The following WDFY2 variants were observed in gnomAD, a reference collection of about 807,000 sequenced individuals.
WDFY2 encodes WD repeat and FYVE domain-containing protein 2.
A neutral mutation model predicts 56.4 loss-of-function variants in WDFY2; 36 were observed. The ratio of observed to expected loss-of-function variants is 0.64; its 90% CI spans 0.49 to 0.84. The LOEUF is 0.84. Among genes scored for constraint, WDFY2 ranks in the 40% least tolerant of loss-of-function variants. The pLI is 0.00. For missense variants in WDFY2, 444 were observed against 512.2 expected (o/e 0.87, Z 1.29); for synonymous variants, 176 against 183.7 (o/e 0.96, Z 0.34).
At chr13:51,694,671 C>G (rs1951823209) in intron 3 of WDFY2, among the ~76,000 whole-genome samples, 1 of 152,084 alleles carries the variant, frequency 6.6e-6, no homozygotes, top group South Asian at 2.1e-4. Flanking sequence ...TGGAGTTGCT[C>G]TTCTTGAGGA....
At chr13:51,682,555 G>T (rs1401832790) in intron 3 of WDFY2, among the ~76,000 whole-genome samples, 1 of 152,082 alleles carries the variant, frequency 6.6e-6, no homozygotes, top group African/African-American at 2.4e-5. Context: ...CACAAGCCCT[G>T]GTATCAGACT....
chr13:51,691,564 T>C (rs1032564784), intron 3 of WDFY2, among the ~76,000 whole-genome samples: 178 of 152,186 alleles, frequency 1.2e-3, no homozygotes, highest in African/African-American at 4.2e-3. Flanking sequence ...ATATCTCTGT[T>C]TTGGTACCAG....
chr13:51,707,806 A>G (rs1952115852), intron 4 of WDFY2, among the ~76,000 whole-genome samples: 1 of 152,158 alleles, frequency 6.6e-6, no homozygotes, highest in Non-Finnish European at 1.5e-5. Context: ...AAAATGTGCA[A>G]CAATAACACA....
intron 6 of WDFY2, among the ~76,000 whole-genome samples, chr13:51,729,898 G>A (rs1307439166): frequency 6.6e-6 from 1 of 152,142 alleles, no homozygotes; most frequent in African/African-American, 2.4e-5. Context: ...CATTCACACT[G>A]TTGTGCAGTC....
chr13:51,750,259 CA>C (rs1363767618), intron 7 of WDFY2, among the ~76,000 whole-genome samples: 1 of 152,102 alleles, frequency 6.6e-6, no homozygotes, highest in East Asian at 1.9e-4. Context: ...ATCAAACAAT[CA>C]GAACAAGTTC....
At chr13:51,729,992 G>A (rs561569262) in intron 6 of WDFY2, among the ~76,000 whole-genome samples, 31 of 151,512 alleles carry the variant, frequency 2.0e-4, no homozygotes, top group Middle Eastern at 3.4e-3. Flanking sequence ...CCTCCCCCTC[G>A]GCCCCCCAGT....
intron 6 of WDFY2, among the ~76,000 whole-genome samples, chr13:51,731,752 A>G (rs1952727506): frequency 1.3e-5 from 2 of 152,218 alleles, no homozygotes; most frequent in African/African-American, 4.8e-5. Context: ...GACAAAATGA[A>G]CACCCTAAAG....
At chr13:51,642,685 T>A (rs1259417432) in intron 1 of WDFY2, among the ~76,000 whole-genome samples, 1 of 141,528 alleles carries the variant, frequency 7.1e-6, no homozygotes, top group African/African-American at 2.8e-5. Flanking sequence ...TCTTTTTTTT[T>A]TTTTTTTTTT....
intron 3 of WDFY2, among the ~76,000 whole-genome samples, chr13:51,692,054 A>C (rs1391911092): frequency 1.8e-3 from 279 of 152,266 alleles, no homozygotes; most frequent in African/African-American, 6.3e-3. Context: ...GTATCCTGAG[A>C]CTTTGCTGAA....
chr13:51,716,481 A>G (rs1352795781), intron 4 of WDFY2, among the ~76,000 whole-genome samples: 2 of 151,910 alleles, frequency 1.3e-5, no homozygotes, highest in African/African-American at 4.8e-5. Context: ...TCACGAGGTC[A>G]GGAGATCGAG....
chr13:51,727,057 G>A (rs978557172), intron 5 of WDFY2, among the ~76,000 whole-genome samples: 4 of 152,154 alleles, frequency 2.6e-5, no homozygotes, highest in African/African-American at 9.7e-5. Flanking sequence ...TTTGGAATCT[G>A]TCCCAGTATA....
intron 2 of WDFY2, among the ~76,000 whole-genome samples, chr13:51,672,685 A>T (rs1029739360): frequency 1.3e-5 from 2 of 152,042 alleles, no homozygotes; most frequent in African/African-American, 4.8e-5. Flanking sequence ...TGAGCATGGG[A>T]TATGTTTCCA....
intron 2 of WDFY2, among the ~76,000 whole-genome samples, chr13:51,662,811 T>C (rs1955638654): frequency 6.6e-6 from 1 of 152,226 alleles, no homozygotes; most frequent in Non-Finnish European, 1.5e-5. Context: ...ACAAGAACTT[T>C]GAGAAAGAGG....
chr13:51,631,406 A>AAAT (rs1954950027), intron 1 of WDFY2, among the ~76,000 whole-genome samples: 2 of 151,976 alleles, frequency 1.3e-5, no homozygotes, highest in Admixed American at 6.5e-5. Flanking sequence ...AAAAAAAAAA[A>AAAT]AAATTTAAAA....
At position 51,625,622 on chromosome 13, in the gene WDFY2, G is replaced by T. The variant is rs551011282; in HGVS notation, c.138-34974G>T. 1.9e-3 allele frequency among the ~76,000 whole-genome samples: 285 copies of T among 152,218 alleles called. 1 individual carries two copies. Among genetic ancestry groups the T allele is most frequent in the African/African-American group, 6.6e-3 (276 of 41,506 alleles). On this transcript the variant is annotated intron_variant, in intron 1 of 11. Coordinates refer to ENST00000298125, the MANE Select transcript of WDFY2 (RefSeq NM_052950.4). ...ATTAAAAATCCTCCTCAATTCAGAG[G>T]GTTTCAGAAATTCGATACAAAGGTG...
At chr13:51,672,070 C>T (rs1024208888) in intron 2 of WDFY2, among the ~76,000 whole-genome samples, 13 of 152,082 alleles carry the variant, frequency 8.5e-5, no homozygotes, top group East Asian at 1.9e-4. Context: ...AGGCGTGAGC[C>T]GCTGCAGCTG....
chr13:51,584,900 G>T (rs775772767), intron 1 of WDFY2, 76 bp downstream of exon 1: 2 of 1,575,442 alleles, frequency 1.3e-6, no homozygotes, highest in Non-Finnish European at 1.7e-6. Context: ...CAGGGGCTGT[G>T]CCTTCACGTC....
intron 7 of WDFY2, among the ~76,000 whole-genome samples, chr13:51,745,230 AGT>A (rs1352721623): frequency 6.6e-6 from 1 of 152,216 alleles, no homozygotes; most frequent in Non-Finnish European, 1.5e-5. Context: ...TACTTTAAAA[AGT>A]GTGAAATAAC....
intron 1 of WDFY2, among the ~76,000 whole-genome samples, chr13:51,633,173 A>G (rs1473362313): frequency 6.6e-6 from 1 of 152,176 alleles, no homozygotes. Context: ...CTAGGCATCC[A>G]GGCAGAAACT....
Sources: gnomAD v4.1 joint callset for allele counts (sites outside exome capture counted in the v4.1 genomes callset) on GRCh38, gnomAD v4.1.1 for gene constraint, MANE v1.5 for transcripts, NCBI Gene and HGNC (gene_info 2026-07-23, HGNC 2026-07-21) for gene names.